Variants in PHIP observed in about 807,000 individuals in gnomAD.
The protein encoded by PHIP is PHIP subunit of CUL4-Ring ligase complex.
In PHIP, 54 loss-of-function variants were observed where a neutral mutation model predicts 236.8. That is an observed-to-expected ratio of 0.23 (90% CI 0.18 to 0.29). The LOEUF (loss-of-function observed/expected upper bound fraction) is 0.29. Ranked by LOEUF, PHIP falls within the 10% of genes least tolerant of loss-of-function variation. PHIP has a pLI of 1.00. For missense variants in PHIP, 1,370 were observed against 2,190.8 expected (o/e 0.63, Z 7.48); for synonymous variants, 756 against 718.9 (o/e 1.05, Z -0.83).
intron 24 of PHIP, among the ~76,000 whole-genome samples, chr6:78,975,929 T>C (rs1189494101): frequency 1.3e-5 from 2 of 150,152 alleles, no homozygotes; most frequent in Non-Finnish European, 3.0e-5. Context: ...GAATCAATAT[T>C]GTGAAAATGG....
chr6:78,972,715 G>A (rs1181909152), intron 24 of PHIP, among the ~76,000 whole-genome samples: 2 of 152,156 alleles, frequency 1.3e-5, no homozygotes, highest in Admixed American at 6.5e-5. Flanking sequence ...CAAGGCTCGA[G>A]AACTATGTGA....
chr6:79,018,962 C>A, intron 10 of PHIP, 127 bp downstream of exon 10: 2 of 603,248 alleles, frequency 3.3e-6, no homozygotes, highest in Non-Finnish European at 6.0e-6. Context: ...TACTTATTAG[C>A]TCTGGCATAT....
intron 24 of PHIP, among the ~76,000 whole-genome samples, chr6:78,976,973 C>A: frequency 2.1e-5 from 1 of 48,192 alleles, no homozygotes; most frequent in African/African-American, 7.2e-5. Context: ...TGTGGCGATT[C>A]CTCAGGGATC....
chr6:78,970,459 G>A (rs950171705), intron 25 of PHIP, among the ~76,000 whole-genome samples: 2 of 152,074 alleles, frequency 1.3e-5, no homozygotes, highest in African/African-American at 4.8e-5. Context: ...AGACCTATTG[G>A]TAACTGAACT....
At chr6:78,969,283 G>A (rs767936700) in intron 27 of PHIP, among the ~76,000 whole-genome samples, 21 of 152,042 alleles carry the variant, frequency 1.4e-4, no homozygotes, top group Non-Finnish European at 2.5e-4. Context: ...CATACATACC[G>A]TGTACACATC....
At chr6:79,051,959 A>C (rs748051255) in intron 6 of PHIP, among the ~76,000 whole-genome samples, 34 of 152,156 alleles carry the variant, frequency 2.2e-4, no homozygotes, top group Middle Eastern at 6.8e-3. Flanking sequence ...CTCAATTTTG[A>C]GTCAACAAAC....
chr6:79,007,323 T>C (rs1459527373), intron 15 of PHIP, among the ~76,000 whole-genome samples: 3 of 152,094 alleles, frequency 2.0e-5, no homozygotes, highest in African/African-American at 4.8e-5. Flanking sequence ...CCATCAGTAA[T>C]AGGTAAATCA....
intron 4 of PHIP, among the ~76,000 whole-genome samples, chr6:79,073,290 TAAC>T (rs1773986433): frequency 6.6e-6 from 1 of 152,140 alleles, no homozygotes; most frequent in Non-Finnish European, 1.5e-5. Context: ...TATTCACACC[TAAC>T]ATTTTATTCA....
intron 7 of PHIP, among the ~76,000 whole-genome samples, chr6:79,033,713 T>C (rs1425829355): frequency 6.6e-6 from 1 of 152,184 alleles, no homozygotes; most frequent in Non-Finnish European, 1.5e-5. Context: ...TCTTTAACTT[T>C]CTCATCATTT....
intron 22 of PHIP, among the ~76,000 whole-genome samples, chr6:78,984,539 G>T (rs1206288211): frequency 6.6e-6 from 1 of 152,040 alleles, no homozygotes; most frequent in East Asian, 1.9e-4. Context: ...TTTAATACAG[G>T]AACTCCTATG....
At chr6:79,054,785 A>C (rs909461233) in intron 6 of PHIP, among the ~76,000 whole-genome samples, 1 of 151,990 alleles carries the variant, frequency 6.6e-6, no homozygotes, top group Admixed American at 6.6e-5. Flanking sequence ...GAAAATTCAA[A>C]CACAATATTG....
intron 19 of PHIP, 67 bp downstream of exon 19, chr6:78,997,347 T>C (rs1350718611): frequency 1.8e-5 from 24 of 1,371,360 alleles, no homozygotes; most frequent in Non-Finnish European, 2.5e-5. Flanking sequence ...ATAACAGCTG[T>C]GAATGCTGTT....
Position 79,043,151 on chromosome 6 carries a change from TTAAAG to T in PHIP, c.440-153_440-149del, listed in dbSNP as rs1239474918. On this transcript the variant is annotated intron_variant, in intron 6 of 39. Transcript: ENST00000275034. Reference sequence around the variant, plus strand: ...ATATATGGCTTCTAGTTAAAAGTCTTTAAAGTAATGAATAAAAACATTGTTTCACC... The same window carrying T: ...ATATATGGCTTCTAGTTAAAAGTCTTTAATGAATAAAAACATTGTTTCACC... The T allele has an allele frequency of 1.8e-5, 11 of 623,640 alleles. No individual in the cohort carries two copies. In the East Asian group the frequency reaches 2.0e-4, roughly 11 times the overall value. 38.6% of individuals were successfully genotyped at this position (623,640 alleles called of 1,614,324 possible).
chr6:78,975,745 G>A (rs924702915), intron 24 of PHIP, among the ~76,000 whole-genome samples: 3 of 151,934 alleles, frequency 2.0e-5, no homozygotes, highest in Admixed American at 6.6e-5. Context: ...CAAACAGAGA[G>A]CCAAATCATG....
intron 7 of PHIP, among the ~76,000 whole-genome samples, chr6:79,036,921 C>CA (rs34875528): frequency 0.43 from 16,661 of 38,656 alleles, 4,386 homozygotes; most frequent in East Asian, 0.74. Context: ...GACTCCGTCT[C>CA]AAAAAAAAAA....
At chr6:79,070,939 T>C (rs1045787264) in intron 4 of PHIP, among the ~76,000 whole-genome samples, 2 of 152,234 alleles carry the variant, frequency 1.3e-5, no homozygotes, top group Non-Finnish European at 2.9e-5. Context: ...CTGCTGTACA[T>C]GAATTCTTCC....
intron 4 of PHIP, among the ~76,000 whole-genome samples, chr6:79,077,171 C>T (rs1289875025): frequency 6.6e-6 from 1 of 151,952 alleles, no homozygotes; most frequent in African/African-American, 2.4e-5. Flanking sequence ...CCTCCTCCTC[C>T]GGCCTTGCAC....
At chr6:79,034,006 A>G (rs148873738) in intron 7 of PHIP, among the ~76,000 whole-genome samples, 4 of 152,182 alleles carry the variant, frequency 2.6e-5, no homozygotes, top group Non-Finnish European at 4.4e-5. Flanking sequence ...TAAGTTCGCC[A>G]TAAGGGTGCA....
intron 6 of PHIP, among the ~76,000 whole-genome samples, chr6:79,051,939 AT>A (rs1772815524): frequency 6.6e-6 from 1 of 152,044 alleles, no homozygotes; most frequent in Non-Finnish European, 1.5e-5. Flanking sequence ...AATGTCAAAC[AT>A]TTTAATCACT....
Sources: allele counts gnomAD v4.1 joint callset (sites outside exome capture counted in the v4.1 genomes callset), GRCh38; gene constraint gnomAD v4.1.1; transcripts MANE v1.5; gene names NCBI Gene and HGNC (gene_info 2026-07-23, HGNC 2026-07-21).